The following TPSD1 variants were observed in gnomAD, a reference collection of about 807,000 sequenced individuals.
The protein encoded by TPSD1 is tryptase delta 1.
TPSD1 carries 30 observed loss-of-function variants against 25.4 expected under a neutral mutation model. That is an observed-to-expected ratio of 1.18 (90% CI 0.88 to 1.60). The LOEUF is 1.60. TPSD1 is among the 40% of genes most tolerant of loss of function. The pLI is 0.00. For missense variants in TPSD1, 420 were observed against 324.2 expected (o/e 1.30, Z -2.27); for synonymous variants, 176 against 149.4 (o/e 1.18, Z -1.30).
intron 2 of TPSD1, 46 bp downstream of exon 2, chr16:1,256,733 G>A (rs368024122): frequency 1.2e-6 from 2 of 1,611,732 alleles, no homozygotes; most frequent in African/African-American, 1.3e-5. Flanking sequence ...CTGGATGTGA[G>A]CCCTGGCTCC....
At chr16:1,257,871 C>G (rs1484122760) in intron 3 of TPSD1, 188 bp from the exon 4 acceptor site, 1 of 665,446 alleles carries the variant, frequency 1.5e-6, no homozygotes, top group African/African-American at 1.8e-5. Flanking sequence ...TTAAATGAGG[C>G]CAGGGACCCA....
Position 1,258,040 on chromosome 16 carries a change from C to T in TPSD1, c.521-19C>T, listed in dbSNP as rs200294439. 5.7e-5 allele frequency: 89 copies of T among 1,559,038 alleles called. 1 individual carries two copies. The African/African-American group carries it at 7.2e-4, about 13-fold the overall frequency. On this transcript the variant is annotated intron_variant, in intron 3 of 4. Coordinates refer to ENST00000211076, the MANE Select transcript of TPSD1 (RefSeq NM_012217.3). ...CCAGCCGGCCCCAGACCCGGCTCCA[C>T]GCCCCCCTCCGCCCCCAGTGCACCT...
Position 1,258,293 on chromosome 16 carries a change from G to A in TPSD1, c.685-39G>A, listed in dbSNP as rs370441697. On this transcript the variant is annotated intron_variant, in intron 4 of 4. Transcript: ENST00000211076. ...GAGCGCATCCCTCATCCTGACCCCC[G>A]AAGCCTGGCCAGCGAGCACTGACCT... 7.4e-5 allele frequency: 120 copies of A among 1,611,012 alleles called. 1 individual carries two copies. The highest frequency in any genetic ancestry group is 6.2e-4 in the African/African-American group (46 of 74,622).
chr16:1,257,826 C>T lies in TPSD1; in HGVS notation c.521-233C>T, dbSNP rs1317562431. ...GTGCCATGGAGCCCAGCTTGGCAACCTCCAGGGCCCTCCCCTCCCTTCCCC... is the reference window on the plus strand; with the variant it reads ...GTGCCATGGAGCCCAGCTTGGCAACTTCCAGGGCCCTCCCCTCCCTTCCCC... On this transcript the variant is annotated intron_variant, in intron 3 of 4. Transcript: ENST00000211076. 7.4e-5 allele frequency: 44 copies of T among 597,244 alleles called. No individual in the cohort carries two copies. In the East Asian group the frequency reaches 1.0e-3, roughly 14 times the overall value. 37.0% of individuals were successfully genotyped at this position (597,244 alleles called of 1,614,324 possible).
In TPSD1 at chr16:1,258,516, C is replaced by T. The variant is rs1025631667; in HGVS notation, c.*140C>T. 3.6e-4 allele frequency: 583 copies of T among 1,607,238 alleles called. No individual in the cohort carries two copies. Among genetic ancestry groups the T allele is most frequent in the Non-Finnish European group, 4.8e-4 (563 of 1,176,282 alleles). ...CCCTGAGCCAGGCCTGGGGTGTCCACCCGGGTCACTGGAGGGCCAGCCCCT... is the reference window on the plus strand; with the variant it reads ...CCCTGAGCCAGGCCTGGGGTGTCCATCCGGGTCACTGGAGGGCCAGCCCCT... On this transcript the variant is annotated 3_prime_UTR_variant, in exon 5 of 5. Coordinates refer to ENST00000211076, the MANE Select transcript of TPSD1 (RefSeq NM_012217.3).
Position 1,257,080 on chromosome 16 carries a change from C to G in TPSD1, c.520+18C>G, listed in dbSNP as rs748574192. ...CAATAATGGTGGGTGTTGGGGACAG[C>G]GGGAGGCCGGGCCAGGTGGGCACCA... On this transcript the variant is annotated intron_variant, in intron 3 of 4. Transcript: ENST00000211076. 1.3e-6 allele frequency: 2 copies of G among 1,577,028 alleles called. No homozygotes were observed. Among genetic ancestry groups the G allele is most frequent in the Non-Finnish European group, 8.6e-7 (1 of 1,161,466 alleles).
rs567006312 is a variant in TPSD1 at position 1,257,974 on chromosome 16, C to G, written c.521-85C>G. 1.6e-3 allele frequency: 2,287 copies of G among 1,426,856 alleles called. 2 individuals are homozygous for G. The highest frequency in any genetic ancestry group is 2.0e-3 in the Non-Finnish European group (2,112 of 1,046,344). The allele number at this position is 1,426,856 out of a possible 1,614,324, so 88.4% of individuals were successfully genotyped here. A position where few individuals can be genotyped will look rare whatever the true frequency, so the allele number is the denominator to read the frequency against. On this transcript the variant is annotated intron_variant, in intron 3 of 4. Transcript: ENST00000211076. ...CAGCACTGGGCCCATGGTGCCATCT[C>G]CCCTGCCCGTGACTCTGCCACCAAG...
At chr16:1,257,119 G>A in intron 3 of TPSD1, 57 bp downstream of exon 3, 1 of 1,527,612 alleles carries the variant, frequency 6.5e-7, no homozygotes, top group Non-Finnish European at 8.8e-7. Context: ...CACAGCCACA[G>A]GCCAGTCCGT....
rs766681030 is a variant in TPSD1 at position 1,256,818 on chromosome 16, C to T, written c.276C>T (p.Ala92=). 9 of 1,612,250 alleles carry T rather than the reference C, an allele frequency of 5.6e-6. No homozygotes were observed. Among genetic ancestry groups the T allele is most frequent in the South Asian group, 3.3e-5 (3 of 90,864 alleles). The change falls in exon 3 of 5, where the codon GCC becomes GCT. Residue 92 remains alanine (A), a synonymous_variant. Transcript: ENST00000211076. ...CVEPDIKDLA[A]LRVQLREQHL... The stretch of plus-strand genomic sequence containing the variant: ...CCAGGGACATCAAGGATCTGGCCGC[C>T]CTCAGGGTGCAACTGCGGGAGCAGC...
In TPSD1 at chr16:1,258,097, G is replaced by T; in HGVS notation, c.559G>T (p.Val187Phe). 6.2e-7 allele frequency: 1 copy of T among 1,601,152 alleles called. No homozygotes were observed. Among genetic ancestry groups the T allele is most frequent in the Non-Finnish European group, 8.5e-7 (1 of 1,174,396 alleles). Residue 187 changes from valine to phenylalanine, a missense_variant, in exon 4 of 5, where the codon GTC (valine) becomes TTC (phenylalanine). Physicochemically the swap from Val to Phe is conservative, Grantham distance 50. Coordinates refer to ENST00000211076, the MANE Select transcript of TPSD1 (RefSeq NM_012217.3). ...GCCATACCCGCTGAAGGAGGTGGAAGTCCCCGTAGTGGAAAACCACCTTTG... is the reference window on the plus strand; with the variant it reads ...GCCATACCCGCTGAAGGAGGTGGAATTCCCCGTAGTGGAAAACCACCTTTG... ...PPPYPLKEVE[V>F]PVVENHLCNA...
chr16:1,256,586 G>A lies in TPSD1; in HGVS notation c.153G>A (p.Trp51Ter). 6.2e-7 allele frequency: 1 copy of A among 1,612,690 alleles called. No homozygotes were observed. The highest frequency in any genetic ancestry group is 8.5e-7 in the Non-Finnish European group (1 of 1,179,756). Residue 51 changes from tryptophan to a stop codon, truncating the protein, a stop_gained, in exon 2 of 5, where the codon TGG becomes TGA. Transcript: ENST00000211076. LOFTEE classifies it high-confidence loss of function. ...GQEAPRSKWP[W>*]QVSLRVRGPY... ...AGGCCCCCAGGAGCAAGTGGCCCTG[G>A]CAGGTGAGCCTGAGAGTCCGCGGCC...
At chr16:1,258,253 C>T (rs773703620) in intron 4 of TPSD1, 31 bp downstream of exon 4, 35 of 1,605,786 alleles carry the variant, frequency 2.2e-5, no homozygotes, top group East Asian at 6.7e-5. Flanking sequence ...CCCCAATCCC[C>T]GGAGCCTGGC....
At chr16:1,256,767 G>C in intron 2 of TPSD1, 30 bp from the exon 3 acceptor site, 1 of 1,612,218 alleles carries the variant, frequency 6.2e-7, no homozygotes, top group Non-Finnish European at 8.5e-7. Context: ...GGGCTGCCCA[G>C]GGCCCTGAGT....
At position 1,258,354 on chromosome 16, in the gene TPSD1, T is replaced by A; in HGVS notation, c.707T>A (p.Val236Asp). The change falls in exon 5 of 5, where the codon GTC becomes GAC. Residue 236 changes from valine to aspartate, a missense_variant. Coordinates refer to ENST00000211076, the MANE Select transcript of TPSD1 (RefSeq NM_012217.3). ...CAGGGTGACTCTGGAGGGCCCCTGG[T>A]CTGCAAGGTGAATGGCACCTAACTG... ...SCQGDSGGPLVCKVNGT is the reference protein window; with the variant it reads ...SCQGDSGGPLDCKVNGT 1 of 1,607,330 alleles carries A rather than the reference T, an allele frequency of 6.2e-7. No individual in the cohort carries two copies. The highest frequency in any genetic ancestry group is 8.5e-7 in the Non-Finnish European group (1 of 1,179,826).
Position 1,258,152 on chromosome 16 carries a change from C to T in TPSD1, c.614C>T (p.Thr205Met), listed in dbSNP as rs1313930587. ...CNAEYHTGLH[T>M]GHSFQIVRDD... ...GCGGAATATCACACCGGCCTCCATA[C>T]GGGCCACAGCTTTCAAATCGTCCGC... The change falls in exon 4 of 5, where the codon ACG becomes ATG. Residue 205 changes from threonine to methionine, a missense_variant. Physicochemically the swap from Thr to Met is moderately conservative, Grantham distance 81. Transcript: ENST00000211076. The T allele has an allele frequency of 8.7e-6, 14 of 1,612,202 alleles. No homozygotes were observed. The highest frequency in any genetic ancestry group is 6.7e-5 in the African/African-American group (5 of 74,906).
chr16:1,256,737 T>A, intron 2 of TPSD1, 50 bp downstream of exon 2: 1 of 1,611,832 alleles, frequency 6.2e-7, no homozygotes, highest in Non-Finnish European at 8.5e-7. Context: ...ATGTGAGCCC[T>A]GGCTCCCGGG....
chr16:1,256,649 C>A lies in TPSD1; in HGVS notation c.216C>A (p.His72Gln), dbSNP rs1232345277. The change falls in exon 2 of 5, where the codon CAC (histidine) becomes CAA (glutamine). Residue 72 changes from histidine (H) to glutamine (Q), a missense_variant. His to Gln is a conservative substitution (Grantham distance 24). Coordinates refer to ENST00000211076, the MANE Select transcript of TPSD1 (RefSeq NM_012217.3). Reference sequence around the variant, plus strand: ...ACTTCTGCGGGGGCTCCCTCATCCACCCCCAGTGGGTGCTAACCGCGGCGC... The same window carrying A: ...ACTTCTGCGGGGGCTCCCTCATCCAACCCCAGTGGGTGCTAACCGCGGCGC... ...WMHFCGGSLI[H>Q]PQWVLTAAHC... 6.2e-7 allele frequency: 1 copy of A among 1,612,670 alleles called. No individual in the cohort carries two copies. The highest frequency in any genetic ancestry group is 1.1e-5 in the South Asian group (1 of 91,000).
Position 1,256,590 on chromosome 16 carries a change from G to T in TPSD1, c.157G>T (p.Val53Leu). The T allele has an allele frequency of 6.2e-7, 1 of 1,612,778 alleles. No individual in the cohort carries two copies. The highest frequency in any genetic ancestry group is 1.1e-5 in the South Asian group (1 of 91,048). Residue 53 changes from valine (V) to leucine (L), a missense_variant, in exon 2 of 5, where the codon GTG becomes TTG. Physicochemically the swap from Val to Leu is conservative, Grantham distance 32. Transcript: ENST00000211076. ...CCCCAGGAGCAAGTGGCCCTGGCAG[G>T]TGAGCCTGAGAGTCCGCGGCCCATA... ...EAPRSKWPWQ[V>L]SLRVRGPYWM... is the part of the protein sequence containing the mutation.
chr16:1,258,507 G>A lies in TPSD1; in HGVS notation c.*131G>A, dbSNP rs2031028017. On this transcript the variant is annotated 3_prime_UTR_variant, in exon 5 of 5. Coordinates refer to ENST00000211076, the MANE Select transcript of TPSD1 (RefSeq NM_012217.3). Reference sequence around the variant, plus strand: ...CCCAAGAAGCCCTGAGCCAGGCCTGGGGTGTCCACCCGGGTCACTGGAGGG... The same window carrying A: ...CCCAAGAAGCCCTGAGCCAGGCCTGAGGTGTCCACCCGGGTCACTGGAGGG... The A allele has an allele frequency of 3.1e-6, 5 of 1,610,362 alleles. No homozygotes were observed. Among genetic ancestry groups the A allele is most frequent in the East Asian group, 4.5e-5 (2 of 44,838 alleles).
Sources: gnomAD v4.1 joint callset for allele counts on GRCh38, gnomAD v4.1.1 for gene constraint, MANE v1.5 for transcripts, NCBI Gene and HGNC (gene_info 2026-07-23, HGNC 2026-07-21) for gene names.